PALLD: variants seen among roughly 807,000 people sequenced by gnomAD.
PALLD encodes the protein palladin, cytoskeletal associated protein, also known as palladin.
PALLD carries 61 observed loss-of-function variants against 123.5 expected under a neutral mutation model. That is an observed-to-expected ratio of 0.49 (90% CI 0.40 to 0.61). PALLD has a LOEUF of 0.61. Ranked by LOEUF, PALLD falls within the 20% of genes least tolerant of loss-of-function variation. The pLI is 0.00. For missense variants in PALLD, 1,273 were observed against 1,377.0 expected, an observed-to-expected ratio of 0.92 and a Z score of 1.20; for synonymous variants, 465 against 496.4, an observed-to-expected ratio of 0.94 and a Z score of 0.84.
At chr4:168,710,068 A>G (rs1185425742) in intron 9 of PALLD, among the ~76,000 whole-genome samples, 2 of 152,186 alleles carry the variant, frequency 1.3e-5, no homozygotes, top group Admixed American at 1.3e-4. Flanking sequence ...GCCTTCTTGT[A>G]TAAAATGTAA....
chr4:168,546,651 G>T (rs530887306), intron 2 of PALLD, among the ~76,000 whole-genome samples: 1 of 152,092 alleles, frequency 6.6e-6, no homozygotes, highest in East Asian at 1.9e-4. Flanking sequence ...AAAAAAGTTG[G>T]TCCAGTATAA....
intron 6 of PALLD, 31 bp from the exon 7 acceptor site, chr4:168,690,572 G>T: frequency 6.2e-7 from 1 of 1,613,782 alleles, no homozygotes; most frequent in Non-Finnish European, 8.5e-7. Context: ...AAAGTCTGAT[G>T]GGGTTTTCCT....
At chr4:168,902,550 G>A (rs1012982872) in intron 14 of PALLD, among the ~76,000 whole-genome samples, 12 of 152,226 alleles carry the variant, frequency 7.9e-5, no homozygotes, top group African/African-American at 1.2e-4. Context: ...GCTGAGGCAC[G>A]AGAATTGTTT....
At chr4:168,511,042 G>A (rs1480734949) in intron 1 of PALLD, among the ~76,000 whole-genome samples, 1 of 152,176 alleles carries the variant, frequency 6.6e-6, no homozygotes, top group African/African-American at 2.4e-5. Flanking sequence ...GCATTTTGTG[G>A]TTTAGGGTTG....
At chr4:168,905,141 T>G (rs1757385224) in intron 15 of PALLD, among the ~76,000 whole-genome samples, 1 of 46,950 alleles carries the variant, frequency 2.1e-5, no homozygotes, top group Non-Finnish European at 5.2e-5. Context: ...TTTGTTGGTT[T>G]TTTTTTTTTT....
At chr4:168,688,665 A>G (rs1288876869) in intron 6 of PALLD, among the ~76,000 whole-genome samples, 1 of 152,220 alleles carries the variant, frequency 6.6e-6, no homozygotes, top group African/African-American at 2.4e-5. Context: ...TTGCCAAGAT[A>G]AAAATGTTAG....
At chr4:168,820,311 GA>G (rs1742538338) in intron 10 of PALLD, among the ~76,000 whole-genome samples, 1 of 152,190 alleles carries the variant, frequency 6.6e-6, no homozygotes, top group Non-Finnish European at 1.5e-5. Context: ...CATTTTACTA[GA>G]GGAGGAAACT....
At chr4:168,606,335 AC>A (rs575955812) in intron 2 of PALLD, among the ~76,000 whole-genome samples, 27 of 152,190 alleles carry the variant, frequency 1.8e-4, no homozygotes, top group Admixed American at 1.6e-3. Flanking sequence ...GCTATGCCCT[AC>A]TTGCCCCGCG....
rs371992201 is a variant in PALLD at position 168,590,864 on chromosome 4, GTTTTTTTTTTTTTT to G, written c.909-77307_909-77294del. ...CTTTACTCAGAAGGGGACCTAGAAA[GTTTTTTTTTTTTTT>G]TTTTTTTTTTTTTTTTTTGAGAGGG... On this transcript the variant is annotated intron_variant, in intron 2 of 21. Coordinates refer to ENST00000505667, the MANE Select transcript of PALLD (RefSeq NM_001166108.2). Among the ~76,000 whole-genome samples the G allele has an allele frequency of 2.8e-4, 20 of 70,198 alleles. 1 individual carries two copies. The East Asian group carries it at 4.0e-3, about 14-fold the overall frequency. The allele number at this position is 70,198 out of a possible 152,430, so 46.1% of individuals were successfully genotyped here. A position where few individuals can be genotyped will look rare whatever the true frequency, so the allele number is the denominator to read the frequency against.
intron 2 of PALLD, among the ~76,000 whole-genome samples, chr4:168,616,297 T>C (rs1290585519): frequency 6.6e-6 from 1 of 152,074 alleles, no homozygotes; most frequent in Non-Finnish European, 1.5e-5. Flanking sequence ...TAAGGATAAG[T>C]AGATCTACAT....
At chr4:168,680,454 C>A (rs554840988) in intron 3 of PALLD, among the ~76,000 whole-genome samples, 17 of 131,544 alleles carry the variant, frequency 1.3e-4, no homozygotes, top group African/African-American at 4.9e-4. Flanking sequence ...TGCACTCCAG[C>A]CTGGGTGACA....
intron 10 of PALLD, among the ~76,000 whole-genome samples, chr4:168,876,582 G>A (rs575918790): frequency 2.4e-4 from 36 of 152,194 alleles, no homozygotes; most frequent in Middle Eastern, 3.2e-3. Context: ...AGAAGACACA[G>A]GACAGAGTTT....
At chr4:168,506,360 A>T (rs1762000582) in intron 1 of PALLD, among the ~76,000 whole-genome samples, 1 of 134,952 alleles carries the variant, frequency 7.4e-6, no homozygotes, top group Non-Finnish European at 1.7e-5. Flanking sequence ...TTTGCAGAGA[A>T]TCTCATGTTT....
intron 10 of PALLD, among the ~76,000 whole-genome samples, chr4:168,759,143 C>G (rs1421991329): frequency 7.5e-6 from 1 of 133,114 alleles, no homozygotes; most frequent in Non-Finnish European, 1.5e-5. Context: ...CGTGCCATTG[C>G]ACTCCAGCCT....
At chr4:168,850,185 C>T (rs1188425605) in intron 10 of PALLD, among the ~76,000 whole-genome samples, 2 of 152,094 alleles carry the variant, frequency 1.3e-5, no homozygotes, top group African/African-American at 4.8e-5. Flanking sequence ...CAGAACCAAG[C>T]GTGGGGGTAG....
At chr4:168,499,334 G>A (rs1262374147) in intron 1 of PALLD, among the ~76,000 whole-genome samples, 2 of 96,084 alleles carry the variant, frequency 2.1e-5, no homozygotes, top group Non-Finnish European at 4.1e-5. Flanking sequence ...GAAGAAGGGG[G>A]AAGGGAGGCA....
intron 10 of PALLD, among the ~76,000 whole-genome samples, chr4:168,839,433 G>A (rs1745694531): frequency 6.6e-6 from 1 of 152,130 alleles, no homozygotes; most frequent in Non-Finnish European, 1.5e-5. Flanking sequence ...TGGGAAACGG[G>A]AAAGCTACTT....
chr4:168,626,268 G>C (rs553178451), intron 2 of PALLD, among the ~76,000 whole-genome samples: 2 of 152,084 alleles, frequency 1.3e-5, no homozygotes, highest in East Asian at 3.9e-4. Flanking sequence ...CGGGCGTGGT[G>C]GTGGGCTCCT....
chr4:168,907,540 CACAGCTG>C (rs1421029511), intron 15 of PALLD, among the ~76,000 whole-genome samples: 1 of 152,164 alleles, frequency 6.6e-6, no homozygotes, highest in Non-Finnish European at 1.5e-5. Context: ...ACACCCATAG[CACAGCTG>C]ACATCAGCCA....
Sources: allele counts gnomAD v4.1 joint callset (sites outside exome capture counted in the v4.1 genomes callset), GRCh38; gene constraint gnomAD v4.1.1; transcripts MANE v1.5; gene names NCBI Gene and HGNC (gene_info 2026-07-23, HGNC 2026-07-21).